Variants in ASAP1 observed in about 807,000 individuals in gnomAD.
ASAP1 encodes ArfGAP with SH3 domain, ankyrin repeat and PH domain 1.
A neutral mutation model predicts 145.2 loss-of-function variants in ASAP1; 43 were observed. That is an observed-to-expected ratio of 0.30 (90% CI 0.23 to 0.38). The LOEUF is 0.38. ASAP1 is among the 10% of genes least tolerant of loss of function. The probability of loss-of-function intolerance (pLI) is 1.00; values close to 1 mark genes in which losing one functional copy is unlikely to be tolerated. For synonymous variants in ASAP1, 546 were observed against 515.5 expected, an observed-to-expected ratio of 1.06 and a Z score of -0.80; for missense variants, 1,018 against 1,355.3, an observed-to-expected ratio of 0.75 and a Z score of 3.91.
chr8:130,118,079 G>A (rs1487764939), intron 20 of ASAP1, 82 bp downstream of exon 20: 24 of 1,200,850 alleles, frequency 2.0e-5, no homozygotes, highest in Middle Eastern at 2.0e-4. Context: ...GCCAATTCCC[G>A]ATCTAGGCCA....
chr8:130,080,381 G>A (rs765901113), intron 25 of ASAP1, among the ~76,000 whole-genome samples: 30 of 152,182 alleles, frequency 2.0e-4, no homozygotes, highest in Admixed American at 2.6e-4. Context: ...CTCACAAGTG[G>A]AATGTGCATG....
chr8:130,115,537 T>A, intron 23 of ASAP1, 91 bp downstream of exon 23: 1 of 981,124 alleles, frequency 1.0e-6, no homozygotes, highest in Non-Finnish European at 1.6e-6. Flanking sequence ...AAAACCACAA[T>A]CAATCAATCT....
chr8:130,062,951 TGACAGAGTGA>T (rs1350166183), intron 27 of ASAP1, among the ~76,000 whole-genome samples: 1 of 152,140 alleles, frequency 6.6e-6, no homozygotes, highest in African/African-American at 2.4e-5. Flanking sequence ...CCAGCCTGGG[TGACAGAGTGA>T]GACTCTGTCT....
At chr8:130,143,832 C>T (rs1036243121) in intron 13 of ASAP1, among the ~76,000 whole-genome samples, 5 of 152,210 alleles carry the variant, frequency 3.3e-5, no homozygotes, top group African/African-American at 1.2e-4. Context: ...GTTGTTAGCA[C>T]AGGCATATTT....
At chr8:130,328,542 TGA>T (rs1824482692) in intron 3 of ASAP1, among the ~76,000 whole-genome samples, 1 of 151,906 alleles carries the variant, frequency 6.6e-6, no homozygotes, top group Non-Finnish European at 1.5e-5. Flanking sequence ...ATTATTTTCA[TGA>T]GAGATGTGGG....
At chr8:130,267,321 T>C (rs962384447) in intron 3 of ASAP1, among the ~76,000 whole-genome samples, 1 of 152,180 alleles carries the variant, frequency 6.6e-6, no homozygotes, top group Non-Finnish European at 1.5e-5. Context: ...AAGCAATTCA[T>C]GGACCTTGAA....
intron 2 of ASAP1, among the ~76,000 whole-genome samples, chr8:130,370,079 T>C (rs570873258): frequency 1.3e-5 from 2 of 152,140 alleles, no homozygotes; most frequent in African/African-American, 4.8e-5. Context: ...GGTGGGGAGA[T>C]CACCTGAGAT....
intron 24 of ASAP1, among the ~76,000 whole-genome samples, chr8:130,110,399 A>T (rs1462988594): frequency 6.6e-6 from 1 of 152,160 alleles, no homozygotes; most frequent in Non-Finnish European, 1.5e-5. Context: ...CCATTATTGT[A>T]TTCAGTCTGG....
At chr8:130,387,638 C>T (rs1014369566) in intron 2 of ASAP1, among the ~76,000 whole-genome samples, 2 of 143,022 alleles carry the variant, frequency 1.4e-5, no homozygotes, top group African/African-American at 5.3e-5. Context: ...GCCTGGATGA[C>T]AGAGCGAGAC....
chr8:130,108,058 G>A (rs1027984149), intron 24 of ASAP1, among the ~76,000 whole-genome samples: 12 of 152,110 alleles, frequency 7.9e-5, no homozygotes, highest in African/African-American at 2.9e-4. Flanking sequence ...TGTTGGCAAG[G>A]GTAGCATCTG....
chr8:130,089,440 A>G (rs1405948903), intron 25 of ASAP1, among the ~76,000 whole-genome samples: 3 of 152,138 alleles, frequency 2.0e-5, no homozygotes, highest in African/African-American at 7.2e-5. Context: ...CACAGTTCAA[A>G]GGCCCTGATC....
intron 1 of ASAP1, among the ~76,000 whole-genome samples, chr8:130,435,385 T>C (rs571686785): frequency 9.8e-5 from 15 of 152,346 alleles, no homozygotes; most frequent in African/African-American, 3.6e-4. Flanking sequence ...GTGCTAGACT[T>C]GGTGCTAGGC....
At chr8:130,151,370 C>CAAAAAAAAAAAAAAAAAA (rs58367856) in intron 13 of ASAP1, among the ~76,000 whole-genome samples, 9 of 62,820 alleles carry the variant, frequency 1.4e-4, no homozygotes, top group Admixed American at 2.3e-4. Flanking sequence ...GACTCAGTCT[C>CAAAAAAAAAAAAAAAAAA]AAAAAAAAAA....
chr8:130,404,708 G>T (rs1828946844), intron 1 of ASAP1, among the ~76,000 whole-genome samples: 1 of 152,114 alleles, frequency 6.6e-6, no homozygotes, highest in African/African-American at 2.4e-5. Context: ...TCTGCCCTTT[G>T]TCATGGGACT....
intron 13 of ASAP1, among the ~76,000 whole-genome samples, chr8:130,146,602 C>T (rs1350627782): frequency 6.6e-6 from 1 of 152,216 alleles, no homozygotes; most frequent in African/African-American, 2.4e-5. Context: ...AACAAGGTTA[C>T]TGAATACATT....
intron 3 of ASAP1, among the ~76,000 whole-genome samples, chr8:130,289,528 G>T (rs941427306): frequency 9.9e-5 from 15 of 152,212 alleles, no homozygotes; most frequent in African/African-American, 3.6e-4. Flanking sequence ...TTGCAGACTG[G>T]TCCAAACTTT....
intron 1 of ASAP1, 102 bp downstream of exon 1, chr8:130,443,358 C>G (rs1212191663): frequency 2.0e-5 from 3 of 151,634 alleles, no homozygotes; most frequent in Admixed American, 1.3e-4. Flanking sequence ...CGCGCCCCGT[C>G]CCGGCGCCCT....
intron 1 of ASAP1, among the ~76,000 whole-genome samples, chr8:130,433,669 A>C (rs1830212745): frequency 6.6e-6 from 1 of 152,236 alleles, no homozygotes; most frequent in Non-Finnish European, 1.5e-5. Context: ...AACTCTTAAA[A>C]GTGAATTCAC....
intron 2 of ASAP1, among the ~76,000 whole-genome samples, chr8:130,397,652 C>T (rs1828595463): frequency 6.6e-6 from 1 of 152,210 alleles, no homozygotes; most frequent in Admixed American, 6.5e-5. Context: ...ATGGGGGGAA[C>T]TGCTTTATAT....
Sources: gnomAD v4.1 joint callset for allele counts (sites outside exome capture counted in the v4.1 genomes callset) on GRCh38, gnomAD v4.1.1 for gene constraint, MANE v1.5 for transcripts, NCBI Gene and HGNC (gene_info 2026-07-23, HGNC 2026-07-21) for gene names.